GPC5: variants seen among roughly 807,000 people sequenced by gnomAD.
GPC5 encodes the protein glypican 5, also known as glypican-5.
In GPC5, 47 loss-of-function variants were observed where a neutral mutation model predicts 53.9. The observed-to-expected ratio is 0.87, with a 90% confidence interval of 0.69 to 1.11. The LOEUF (loss-of-function observed/expected upper bound fraction) is 1.11, where lower values mean the gene tolerates loss of function less well. Among genes scored for constraint, GPC5 ranks in the 50% most tolerant of loss-of-function variants. GPC5 has a pLI of 0.00. For missense variants in GPC5, 748 were observed against 713.1 expected, an observed-to-expected ratio of 1.05 and a Z score of -0.56; for synonymous variants, 286 against 263.3, an observed-to-expected ratio of 1.09 and a Z score of -0.84.
At chr13:91,626,810 C>A (rs1157323738) in intron 2 of GPC5, among the ~76,000 whole-genome samples, 1 of 151,978 alleles carries the variant, frequency 6.6e-6, no homozygotes, top group Non-Finnish European at 1.5e-5. Flanking sequence ...CTAATGCTAT[C>A]CCTCCCCATT....
chr13:92,685,281 G>A (rs1241659468), intron 7 of GPC5, among the ~76,000 whole-genome samples: 1 of 151,854 alleles, frequency 6.6e-6, no homozygotes, highest in Non-Finnish European at 1.5e-5. Flanking sequence ...TTTTAGTAGA[G>A]AAGGGGTTTT....
chr13:92,680,304 C>A (rs2139221197), intron 7 of GPC5, among the ~76,000 whole-genome samples: 1 of 152,268 alleles, frequency 6.6e-6, no homozygotes, highest in South Asian at 2.1e-4. Flanking sequence ...ATCATACCTA[C>A]AAAAGAGATT....
chr13:92,799,363 T>G (rs1876819381), intron 7 of GPC5, among the ~76,000 whole-genome samples: 1 of 151,844 alleles, frequency 6.6e-6, no homozygotes, highest in African/African-American at 2.4e-5. Flanking sequence ...TCACTCTAAA[T>G]TATTTAATGC....
intron 2 of GPC5, among the ~76,000 whole-genome samples, chr13:91,506,660 G>C (rs1489522660): frequency 6.6e-6 from 1 of 151,976 alleles, no homozygotes; most frequent in Admixed American, 6.6e-5. Context: ...CAGAGTATTT[G>C]AAAAAGTCTA....
chr13:92,093,189 T>A (rs2041394601), intron 6 of GPC5, among the ~76,000 whole-genome samples: 2 of 152,164 alleles, frequency 1.3e-5, no homozygotes, highest in African/African-American at 4.8e-5. Flanking sequence ...TATAAATTAT[T>A]TCCAGTGAAT....
At chr13:92,035,277 G>A (rs1171663845) in intron 6 of GPC5, among the ~76,000 whole-genome samples, 1 of 152,028 alleles carries the variant, frequency 6.6e-6, no homozygotes, top group Non-Finnish European at 1.5e-5. Flanking sequence ...AGATGACACG[G>A]GGCACGGGAC....
At chr13:92,760,435 A>G (rs1324001351) in intron 7 of GPC5, among the ~76,000 whole-genome samples, 3 of 151,974 alleles carry the variant, frequency 2.0e-5, no homozygotes, top group Non-Finnish European at 4.4e-5. Context: ...TGTTCATTTC[A>G]TCTAGGTTAT....
intron 2 of GPC5, among the ~76,000 whole-genome samples, chr13:91,565,886 T>C (rs1035643134): frequency 6.6e-6 from 1 of 152,178 alleles, no homozygotes; most frequent in Non-Finnish European, 1.5e-5. Context: ...ATTCCATGTT[T>C]CTCTTCAAGC....
chr13:91,870,616 C>T (rs2039133741), intron 5 of GPC5, among the ~76,000 whole-genome samples: 1 of 152,148 alleles, frequency 6.6e-6, no homozygotes, highest in African/African-American at 2.4e-5. Context: ...AGTAACATCC[C>T]TCATCAACTG....
intron 7 of GPC5, among the ~76,000 whole-genome samples, chr13:92,294,154 T>G (rs1208699803): frequency 6.6e-6 from 1 of 152,152 alleles, no homozygotes; most frequent in African/African-American, 2.4e-5. Context: ...TGTAGTTTTC[T>G]TTTTTGGTTA....
intron 7 of GPC5, among the ~76,000 whole-genome samples, chr13:92,203,876 A>G (rs1360926904): frequency 6.6e-6 from 1 of 151,806 alleles, no homozygotes; most frequent in Non-Finnish European, 1.5e-5. Flanking sequence ...CAAAGAGAAA[A>G]TAATAGAAGC....
intron 2 of GPC5, among the ~76,000 whole-genome samples, chr13:91,677,418 A>G (rs1025497497): frequency 2.6e-5 from 4 of 152,236 alleles, no homozygotes; most frequent in Non-Finnish European, 4.4e-5. Context: ...CTATAAGGCC[A>G]TGATATTTTG....
At position 92,315,669 on chromosome 13, in the gene GPC5, A is replaced by T. The variant is rs531547397; in HGVS notation, c.1561+170680A>T. Among the ~76,000 whole-genome samples the T allele has an allele frequency of 6.6e-5, 10 of 152,360 alleles. 1 individual carries two copies. The highest frequency in any genetic ancestry group is 2.0e-4 in the Admixed American group (3 of 15,300). On this transcript the variant is annotated intron_variant, in intron 7 of 7. Transcript: ENST00000377067. Reference sequence around the variant, plus strand: ...ATTTTCTTATAAAAATGTAAACTCAAGTTTTAGGACAATTCAATCAAGACA... The same window carrying T: ...ATTTTCTTATAAAAATGTAAACTCATGTTTTAGGACAATTCAATCAAGACA...
At chr13:91,838,229 C>T (rs548676917) in intron 5 of GPC5, among the ~76,000 whole-genome samples, 1 of 152,038 alleles carries the variant, frequency 6.6e-6, no homozygotes, top group East Asian at 1.9e-4. Flanking sequence ...CAAGTTTTCC[C>T]AGTGTCCCCT....
chr13:92,381,566 T>C (rs1334903457), intron 7 of GPC5, among the ~76,000 whole-genome samples: 1 of 151,986 alleles, frequency 6.6e-6, no homozygotes, highest in African/African-American at 2.4e-5. Context: ...TGTAAACTAG[T>C]ACAACTACTA....
At chr13:92,457,583 A>T (rs897454677) in intron 7 of GPC5, among the ~76,000 whole-genome samples, 1 of 152,174 alleles carries the variant, frequency 6.6e-6, no homozygotes, top group Non-Finnish European at 1.5e-5. Context: ...GAAGAACTCT[A>T]TCGAGGATAA....
chr13:91,423,058 A>G (rs1878757226), intron 1 of GPC5, among the ~76,000 whole-genome samples: 1 of 152,226 alleles, frequency 6.6e-6, no homozygotes, highest in African/African-American at 2.4e-5. Context: ...TCATAAAGAC[A>G]AAACTGCACC....
At chr13:92,465,815 A>G (rs1422386623) in intron 7 of GPC5, among the ~76,000 whole-genome samples, 22 of 152,000 alleles carry the variant, frequency 1.4e-4, no homozygotes, top group Admixed American at 1.4e-3. Flanking sequence ...AAAAAGTTCT[A>G]TTGTCTGAAT....
intron 1 of GPC5, among the ~76,000 whole-genome samples, chr13:91,436,541 G>A (rs1339932349): frequency 2.6e-5 from 4 of 152,116 alleles, no homozygotes; most frequent in African/African-American, 9.7e-5. Flanking sequence ...ATTGCACTGT[G>A]GTCTGAGAGA....
Sources: allele counts gnomAD v4.1 joint callset (sites outside exome capture counted in the v4.1 genomes callset), GRCh38; gene constraint gnomAD v4.1.1; transcripts MANE v1.5; gene names NCBI Gene and HGNC (gene_info 2026-07-23, HGNC 2026-07-21).